Variants in TRANK1 observed in about 807,000 individuals in gnomAD.
The protein encoded by TRANK1 is TPR and ankyrin repeat-containing protein 1.
A neutral mutation model predicts 266.0 loss-of-function variants in TRANK1; 198 were observed. The observed-to-expected ratio is 0.74, with a 90% CI of 0.66 to 0.84. The LOEUF (loss-of-function observed/expected upper bound fraction) is 0.84. Among genes scored for constraint, TRANK1 ranks in the 40% least tolerant of loss-of-function variants. TRANK1 has a pLI of 0.00. For missense variants in TRANK1, 3,326 were observed against 3,634.6 expected, an observed-to-expected ratio of 0.92 and a Z score of 2.18; for synonymous variants, 1,396 against 1,384.1, an observed-to-expected ratio of 1.01 and a Z score of -0.19.
chr3:36,858,918 G>C, intron 11 of TRANK1, 24 bp from the exon 12 acceptor site: 4 of 1,520,396 alleles, frequency 2.6e-6, no homozygotes, highest in Non-Finnish European at 3.5e-6. Flanking sequence ...GAAGGGAAGC[G>C]CAATGTGAGC....
intron 4 of TRANK1, among the ~76,000 whole-genome samples, chr3:36,898,249 G>A (rs2079821595): frequency 6.6e-6 from 1 of 152,102 alleles, no homozygotes; most frequent in Non-Finnish European, 1.5e-5. Context: ...AGGAGTTTAA[G>A]ACCAGCCTGG....
intron 1 of TRANK1, among the ~76,000 whole-genome samples, chr3:36,935,306 T>A (rs186509571): frequency 2.3e-4 from 35 of 152,208 alleles, no homozygotes; most frequent in Non-Finnish European, 2.5e-4. Context: ...TACCACTTAA[T>A]CCCCTGAATT....
At chr3:36,837,265 T>C (rs908590726) in intron 20 of TRANK1, among the ~76,000 whole-genome samples, 2 of 152,200 alleles carry the variant, frequency 1.3e-5, no homozygotes, top group Non-Finnish European at 2.9e-5. Context: ...AGCAGCGTTG[T>C]ATCCCTGTTC....
At chr3:36,870,264 G>A (rs946103488) in intron 9 of TRANK1, among the ~76,000 whole-genome samples, 25 of 152,120 alleles carry the variant, frequency 1.6e-4, no homozygotes, top group Admixed American at 5.2e-4. Flanking sequence ...AAAATTAGCC[G>A]GGCATGGTGA....
At position 36,856,560 on chromosome 3, in the gene TRANK1, C is replaced by T. The variant is rs1325850766; in HGVS notation, c.3162G>A (p.Val1054=). The T allele has an allele frequency of 6.2e-7, 1 of 1,614,002 alleles. No individual in the cohort carries two copies. The change falls in exon 13 of 24, where the codon GTG becomes GTA. Residue 1054 remains valine (V), a synonymous_variant. Coordinates refer to ENST00000645898, the MANE Select transcript of TRANK1 (RefSeq NM_001329998.2). ...CGATCACCGCGTACTCAAGCTCACCCACCCGGAAGGGGTACTCCACTGTGG... is the reference window on the plus strand; with the variant it reads ...CGATCACCGCGTACTCAAGCTCACCTACCCGGAAGGGGTACTCCACTGTGG... The part of the protein sequence containing the change: ...TTATVEYPFR[V]GELEYAVIDL...
rs757286383 is a variant in TRANK1 at position 36,831,395 on chromosome 3, C to A, written c.8188G>T (p.Val2730Leu). Reference sequence around the variant, plus strand: ...CTCCTCCAACTGATGCACAGAGACACCACCAGGCATGCCCTCCTCAACTTC... The same window carrying A: ...CTCCTCCAACTGATGCACAGAGACAACACCAGGCATGCCCTCCTCAACTTC... ...QRKLRRACLV[V>L]SLCISWRRRV... Residue 2730 changes from valine to leucine, a missense_variant, in exon 22 of 24, where the codon GTG becomes TTG. Val to Leu is a conservative substitution (Grantham distance 32). Coordinates refer to ENST00000645898, the MANE Select transcript of TRANK1 (RefSeq NM_001329998.2). This position sits in a 1 kb window ranked among gnomAD's most constrained non-coding sequence, Gnocchi z 5.0. The A allele has an allele frequency of 5.0e-5, 80 of 1,613,002 alleles. No individual in the cohort carries two copies. The highest frequency in any genetic ancestry group is 6.6e-5 in the Non-Finnish European group (78 of 1,179,524).
intron 20 of TRANK1, among the ~76,000 whole-genome samples, chr3:36,837,054 A>T (rs1284975661): frequency 6.6e-6 from 1 of 152,186 alleles, no homozygotes; most frequent in Admixed American, 6.5e-5. Context: ...TCTTGTGGTC[A>T]TCTCACCCAA....
At chr3:36,871,342 C>T (rs563765711) in intron 9 of TRANK1, among the ~76,000 whole-genome samples, 3 of 152,236 alleles carry the variant, frequency 2.0e-5, no homozygotes, top group African/African-American at 2.4e-5. Context: ...GAGCCAAGAT[C>T]GTGCCACTGC....
chr3:36,838,667 A>G lies in TRANK1; in HGVS notation c.5330T>C (p.Leu1777Ser). The G allele has an allele frequency of 1.2e-6, 2 of 1,613,906 alleles. No individual in the cohort carries two copies. Among genetic ancestry groups the G allele is most frequent in the Non-Finnish European group, 1.7e-6 (2 of 1,179,854 alleles). Residue 1777 changes from leucine (L) to serine (S), a missense_variant, in exon 19 of 24, where the codon TTG (leucine) becomes TCG (serine). Coordinates refer to ENST00000645898, the MANE Select transcript of TRANK1 (RefSeq NM_001329998.2). ...QKGGAFEKEK[L>S]ALAHDTALSM... ...CAGGGCAGTGTCATGGGCCAGGGCC[A>G]ACTTCTCCTTCTCAAATGCACCTCC...
intron 8 of TRANK1, 119 bp from the exon 9 acceptor site, chr3:36,874,415 T>C (rs1239128746): frequency 8.9e-7 from 1 of 1,122,592 alleles, no homozygotes; most frequent in Non-Finnish European, 1.2e-6. Flanking sequence ...ACTAGGGTCT[T>C]CTGTTTGTGG....
Position 36,856,589 on chromosome 3 carries a change from T to C in TRANK1, c.3133A>G (p.Thr1045Ala), listed in dbSNP as rs1202932949. 2 of 1,614,024 alleles carry C rather than the reference T, an allele frequency of 1.2e-6. No individual in the cohort carries two copies. Among genetic ancestry groups the C allele is most frequent in the Admixed American group, 3.3e-5 (2 of 60,030 alleles). The change falls in exon 13 of 24, where the codon ACA becomes GCA. Residue 1045 changes from threonine to alanine, a missense_variant. Physicochemically the swap from Thr to Ala is moderately conservative, Grantham distance 58. Transcript: ENST00000645898. ...NMAFNILNDT[T>A]ATVEYPFRVG... Reference sequence around the variant, plus strand: ...CGGAAGGGGTACTCCACTGTGGCTGTCGTGTCATTGAGGATGTTAAAGGCC... The same window carrying C: ...CGGAAGGGGTACTCCACTGTGGCTGCCGTGTCATTGAGGATGTTAAAGGCC...
chr3:36,852,072 T>C (rs2078991693), intron 14 of TRANK1, 74 bp downstream of exon 14: 1 of 1,455,440 alleles, frequency 6.9e-7, no homozygotes, highest in Admixed American at 2.7e-5. Flanking sequence ...CTTTGTGGTA[T>C]AATTTAGCTT....
Position 36,852,168 on chromosome 3 carries a change from G to A in TRANK1, c.4727C>T (p.Pro1576Leu), listed in dbSNP as rs1478477998. 6.3e-7 allele frequency: 1 copy of A among 1,595,902 alleles called. No individual in the cohort carries two copies. Among genetic ancestry groups the A allele is most frequent in the Non-Finnish European group, 8.5e-7 (1 of 1,175,472 alleles). Residue 1576 changes from proline (P) to leucine (L), a missense_variant, in exon 14 of 24, where the codon CCC (proline) becomes CTC (leucine). Transcript: ENST00000645898. ...CACCTGGTGGGCTCCAAATTCAATG[G>A]GCTGAGTTTTCCTTTTATTCCCTCG... ...LLRGNKRKTQ[P>L]IEFGAHQVIL...
Position 36,838,508 on chromosome 3 carries a change from G to C in TRANK1, c.5385-4C>G. On this transcript the variant is annotated splice_polypyrimidine_tract_variant and splice_region_variant and intron_variant, in intron 19 of 23. Coordinates refer to ENST00000645898, the MANE Select transcript of TRANK1 (RefSeq NM_001329998.2). ...CAAATATTCCAACTGCTTTTCCCTA[G>C]GGGAAGGAAAACAAAATAATATTTC... The C allele has an allele frequency of 6.2e-7, 1 of 1,614,026 alleles. No individual in the cohort carries two copies. Among genetic ancestry groups the C allele is most frequent in the Non-Finnish European group, 8.5e-7 (1 of 1,179,886 alleles).
chr3:36,899,634 G>C (rs564621171), intron 3 of TRANK1, among the ~76,000 whole-genome samples: 1 of 152,310 alleles, frequency 6.6e-6, no homozygotes. Flanking sequence ...ACTCCAGCCT[G>C]GGCAACAGAC....
intron 5 of TRANK1, among the ~76,000 whole-genome samples, chr3:36,893,945 G>A (rs2079749687): frequency 6.6e-6 from 1 of 151,490 alleles, no homozygotes; most frequent in South Asian, 2.1e-4. Context: ...GTGCAGTGGT[G>A]CAATCTCAGC....
chr3:36,894,005 C>G (rs143656480), intron 5 of TRANK1, among the ~76,000 whole-genome samples: 139 of 152,162 alleles, frequency 9.1e-4, no homozygotes, highest in African/African-American at 3.3e-3. Context: ...CCTAAACAAG[C>G]CTCGCTGCCC....
chr3:36,897,886 T>C lies in TRANK1; in HGVS notation c.433+1223A>G, dbSNP rs917746464. On this transcript the variant is annotated intron_variant, in intron 4 of 23. Coordinates refer to ENST00000645898, the MANE Select transcript of TRANK1 (RefSeq NM_001329998.2). ...AGTTTATTACACTGTGCTTTACCAG[T>C]TTCTGGTTTTGCCTGATCTGGGCCA... 2.6e-5 allele frequency among the ~76,000 whole-genome samples: 4 copies of C among 152,282 alleles called. No homozygotes were observed. In the East Asian group the frequency reaches 7.7e-4, roughly 29 times the overall value.
chr3:36,828,292 T>A lies in TRANK1; in HGVS notation c.8893A>T (p.Lys2965Ter). ...TGTGGACATTAGTATTTTCTCTGCT[T>A]TCCACATTTCCGAGAACGCCTTCTA... ...RPRRRSRKCG[K>*]QRKY Residue 2965 changes from lysine (K) to a stop codon, truncating the protein, a stop_gained, in exon 24 of 24, where the codon AAG becomes TAG. Coordinates refer to ENST00000645898, the MANE Select transcript of TRANK1 (RefSeq NM_001329998.2). LOFTEE classifies it high-confidence loss of function. 6.2e-7 allele frequency: 1 copy of A among 1,612,042 alleles called. No individual in the cohort carries two copies. The highest frequency in any genetic ancestry group is 8.5e-7 in the Non-Finnish European group (1 of 1,179,042).
Sources: gnomAD v4.1 joint callset for allele counts (sites outside exome capture counted in the v4.1 genomes callset) on GRCh38, gnomAD v4.1.1 for gene constraint, Gnocchi (gnomAD v3.1) non-coding constraint, MANE v1.5 for transcripts, NCBI Gene and HGNC (gene_info 2026-07-23, HGNC 2026-07-21) for gene names.